The following SYT2 variants were observed in gnomAD, a reference collection of about 807,000 sequenced individuals.
SYT2 encodes the protein synaptotagmin 2.
Under a neutral mutation model 39.9 loss-of-function variants are expected in SYT2, and 15 were observed. The observed-to-expected ratio is 0.38, with a 90% CI of 0.25 to 0.58. The LOEUF (loss-of-function observed/expected upper bound fraction) is 0.58, where lower values mean the gene tolerates loss of function less well. Among genes scored for constraint, SYT2 ranks in the 20% least tolerant of loss-of-function variants. The pLI, the probability that SYT2 is intolerant of heterozygous loss-of-function variation, is 0.70. For synonymous variants in SYT2, 181 were observed against 204.5 expected, an observed-to-expected ratio of 0.89 and a Z score of 0.98; for missense variants, 389 against 530.3, an observed-to-expected ratio of 0.73 and a Z score of 2.62.
Position 202,616,751 on chromosome 1 carries a change from C to T in SYT2, c.-17-10962G>A, listed in dbSNP as rs182302340. Among the ~76,000 whole-genome samples, 19 of 152,338 alleles carry T rather than the reference C, an allele frequency of 1.2e-4. No individual in the cohort carries two copies. In the East Asian group the frequency reaches 2.9e-3, roughly 23 times the overall value. Reference sequence around the variant, plus strand: ...GTCATAACTGTGACTACTCCTCCTTCGGTTGCCTCAGGCTTGCACTTGAGG... The same window carrying T: ...GTCATAACTGTGACTACTCCTCCTTTGGTTGCCTCAGGCTTGCACTTGAGG... On this transcript the variant is annotated intron_variant, in intron 1 of 8. Transcript: ENST00000367268.
rs917895826 is a variant in SYT2 at position 202,593,119 on chromosome 1, G to C, written c.*3638C>G. 2 of 152,264 alleles carry C rather than the reference G, an allele frequency of 1.3e-5. No homozygotes were observed. Among genetic ancestry groups the C allele is most frequent in the African/African-American group, 4.8e-5 (2 of 41,446 alleles). 9.4% of individuals were successfully genotyped at this position (152,264 alleles called of 1,614,324 possible). A position where few individuals can be genotyped will look rare whatever the true frequency, so the allele number is the denominator to read the frequency against. Reference sequence around the variant, plus strand: ...GGGGCAGAGGAAAGGGAAGGGAAGGGGCAGAGCAGAGGATATGAGGGCAGT... The same window carrying C: ...GGGGCAGAGGAAAGGGAAGGGAAGGCGCAGAGCAGAGGATATGAGGGCAGT... On this transcript the variant is annotated 3_prime_UTR_variant, in exon 9 of 9. Coordinates refer to ENST00000367268, the MANE Select transcript of SYT2 (RefSeq NM_177402.5).
At chr1:202,645,005 G>T (rs1240338301) in intron 1 of SYT2, among the ~76,000 whole-genome samples, 1 of 152,180 alleles carries the variant, frequency 6.6e-6, no homozygotes, top group Non-Finnish European at 1.5e-5. Flanking sequence ...TTTCCGGGCG[G>T]CTCCTCCTGT....
intron 1 of SYT2, among the ~76,000 whole-genome samples, chr1:202,625,179 G>A (rs367657859): frequency 1.2e-4 from 16 of 138,914 alleles, no homozygotes; most frequent in Admixed American, 2.2e-4. Context: ...TGTGTGTGTC[G>A]TGTGTGTGGC....
chr1:202,639,724 G>A (rs1244269428), intron 1 of SYT2: 1 of 985,326 alleles, frequency 1.0e-6, no homozygotes, highest in Non-Finnish European at 1.2e-6. Context: ...TTTGGCCTTT[G>A]TGGCTGAGCT....
At chr1:202,709,693 C>G (rs1007982154) in intron 1 of SYT2, among the ~76,000 whole-genome samples, 1 of 152,174 alleles carries the variant, frequency 6.6e-6, no homozygotes, top group African/African-American at 2.4e-5. Context: ...CTCCTCGTGC[C>G]CGTTGCTTCC....
chr1:202,624,745 TA>T (rs1691315310), intron 1 of SYT2, among the ~76,000 whole-genome samples: 1 of 144,400 alleles, frequency 6.9e-6, no homozygotes, highest in African/African-American at 2.6e-5. Flanking sequence ...TGGCATGTAG[TA>T]GGGTGTGTGG....
rs1691481127 is a variant in SYT2 at position 202,628,507 on chromosome 1, G to T, written c.-17-22718C>A. On this transcript the variant is annotated intron_variant, in intron 1 of 8. Transcript: ENST00000367268. The surrounding 1 kb of genome is among the most constrained non-coding windows in gnomAD (Gnocchi z 4.2). The stretch of plus-strand genomic sequence containing the variant: ...ACGTGCCCATCACTCTTCAGACAGA[G>T]ATGCCCATTATCACCAACACCTATG... Among the ~76,000 whole-genome samples the T allele has an allele frequency of 6.6e-6, 1 of 152,206 alleles. No individual in the cohort carries two copies. Among genetic ancestry groups the T allele is most frequent in the Admixed American group, 6.5e-5 (1 of 15,286 alleles).
At chr1:202,687,901 A>G (rs1269348088) in intron 1 of SYT2, among the ~76,000 whole-genome samples, 1 of 152,050 alleles carries the variant, frequency 6.6e-6, no homozygotes, top group African/African-American at 2.4e-5. Context: ...CTAACACTGA[A>G]CTGAAGCTGA....
At position 202,666,766 on chromosome 1, in the gene SYT2, G is replaced by T. The variant is rs571812813; in HGVS notation, c.-18+43492C>A. 3.9e-5 allele frequency among the ~76,000 whole-genome samples: 6 copies of T among 152,326 alleles called. No homozygotes were observed. The South Asian group carries it at 1.2e-3, about 32-fold the overall frequency. On this transcript the variant is annotated intron_variant, in intron 1 of 8. Coordinates refer to ENST00000367268, the MANE Select transcript of SYT2 (RefSeq NM_177402.5). Reference sequence around the variant, plus strand: ...GGAGGCCAAGATGGGCGGATCACCTGAGGTCAGGAGTTCAAGACCAGCCTG... The same window carrying T: ...GGAGGCCAAGATGGGCGGATCACCTTAGGTCAGGAGTTCAAGACCAGCCTG...
intron 1 of SYT2, among the ~76,000 whole-genome samples, chr1:202,693,349 C>A (rs1329436671): frequency 6.6e-6 from 1 of 152,164 alleles, no homozygotes; most frequent in African/African-American, 2.4e-5. Flanking sequence ...GACAGATACC[C>A]TTCAAGACCA....
At chr1:202,704,245 C>T (rs1252028290) in intron 1 of SYT2, among the ~76,000 whole-genome samples, 1 of 152,216 alleles carries the variant, frequency 6.6e-6, no homozygotes, top group African/African-American at 2.4e-5. Context: ...CATCAATGCT[C>T]CCAGCTTCAG....
At chr1:202,640,474 GC>G (rs1691873112) in intron 1 of SYT2, among the ~76,000 whole-genome samples, 1 of 152,088 alleles carries the variant, frequency 6.6e-6, no homozygotes, top group Admixed American at 6.6e-5. Flanking sequence ...CAGTCCCTTT[GC>G]CACTCCTTCC....
intron 1 of SYT2, among the ~76,000 whole-genome samples, chr1:202,637,410 C>T (rs1691768251): frequency 6.6e-6 from 1 of 152,214 alleles, no homozygotes; most frequent in Non-Finnish European, 1.5e-5. Context: ...TAGGGGCACA[C>T]GAGTCGGCTC....
chr1:202,609,024 A>T (rs1090611), intron 1 of SYT2, among the ~76,000 whole-genome samples: 2 of 91,260 alleles, frequency 2.2e-5, no homozygotes, highest in African/African-American at 4.4e-5. Flanking sequence ...CTAACCCTCC[A>T]CCCTCCCCCC....
At chr1:202,633,235 G>C (rs1358324066) in intron 1 of SYT2, among the ~76,000 whole-genome samples, 1 of 152,146 alleles carries the variant, frequency 6.6e-6, no homozygotes, top group East Asian at 1.9e-4. Context: ...GGCACCCACT[G>C]GGTGCCCAGC....
At position 202,601,907 on chromosome 1, in the gene SYT2, C is replaced by T. The variant is rs559392144; in HGVS notation, c.784G>A (p.Gly262Ser). The change falls in exon 6 of 9, where the codon GGC (glycine) becomes AGC (serine). Residue 262 changes from glycine (G) to serine (S), a missense_variant. Gly to Ser is a moderately conservative substitution (Grantham distance 56). Coordinates refer to ENST00000367268, the MANE Select transcript of SYT2 (RefSeq NM_177402.5). This position sits in a 1 kb window ranked among gnomAD's most constrained non-coding sequence, Gnocchi z 4.0. The stretch of plus-strand genomic sequence containing the variant: ...GCTCTTACCTCCTCCTTTTCCCCGC[C>T]TTGCAGGTCTCTCCACTCCTCAATG... Reference protein sequence around the residue: ...QPIEEWRDLQGGEKEEPEKLG... With the variant: ...QPIEEWRDLQSGEKEEPEKLG... The T allele has an allele frequency of 5.0e-6, 8 of 1,613,902 alleles. No individual in the cohort carries two copies. Among genetic ancestry groups the T allele is most frequent in the Non-Finnish European group, 6.8e-6 (8 of 1,179,984 alleles).
At chr1:202,620,586 G>A (rs1334309396) in intron 1 of SYT2, among the ~76,000 whole-genome samples, 1 of 151,916 alleles carries the variant, frequency 6.6e-6, no homozygotes, top group Non-Finnish European at 1.5e-5. Flanking sequence ...AGTGCAGGGG[G>A]AAGGGGCCAC....
chr1:202,666,281 C>T (rs1216989154), intron 1 of SYT2, among the ~76,000 whole-genome samples: 1 of 152,088 alleles, frequency 6.6e-6, no homozygotes, highest in Non-Finnish European at 1.5e-5. Context: ...CCCCAGTGAT[C>T]AGACAGCTTG....
At chr1:202,615,152 G>A (rs145805238) in intron 1 of SYT2, among the ~76,000 whole-genome samples, 11 of 152,304 alleles carry the variant, frequency 7.2e-5, no homozygotes, top group African/African-American at 2.6e-4. Flanking sequence ...ACTTAGAGCT[G>A]CAGAGAGGGA....
Sources: gnomAD v4.1 joint callset for allele counts (sites outside exome capture counted in the v4.1 genomes callset) on GRCh38, gnomAD v4.1.1 for gene constraint, Gnocchi (gnomAD v3.1) non-coding constraint, MANE v1.5 for transcripts, NCBI Gene and HGNC (gene_info 2026-07-23, HGNC 2026-07-21) for gene names.